The following NCALD variants were observed in gnomAD, a reference collection of about 807,000 sequenced individuals.
NCALD encodes the protein neurocalcin-delta.
A neutral mutation model predicts 18.6 loss-of-function variants in NCALD; 10 were observed. The observed-to-expected ratio is 0.54, with a 90% CI of 0.33 to 0.91. NCALD has a LOEUF of 0.91. Among genes scored for constraint, NCALD ranks in the 40% least tolerant of loss-of-function variants. The pLI, the probability that NCALD is intolerant of heterozygous loss-of-function variation, is 0.03. For missense variants in NCALD, 184 were observed against 247.6 expected (o/e 0.74, Z 1.72); for synonymous variants, 88 against 87.4 (o/e 1.01, Z -0.04).
chr8:101,747,853 G>A lies in NCALD; in HGVS notation c.-19-28205C>T, dbSNP rs377596928. 3.3e-4 allele frequency among the ~76,000 whole-genome samples: 50 copies of A among 152,038 alleles called. 1 individual carries two copies. The highest frequency in any genetic ancestry group is 1.1e-3 in the African/African-American group (46 of 41,482). ...CTGCCTCAGCCTCCTGAGTAGCTGG[G>A]ATTACAGGTGCCCGCCACAACACCT... On this transcript the variant is annotated intron_variant, in intron 1 of 3. Coordinates refer to ENST00000220931, the MANE Select transcript of NCALD (RefSeq NM_032041.3).
chr8:101,939,890 G>A (rs1044809804), intron 2 of NCALD, among the ~76,000 whole-genome samples: 3 of 152,294 alleles, frequency 2.0e-5, no homozygotes, highest in East Asian at 1.9e-4. Context: ...CTTAAGATCA[G>A]ACAGCTAGTA....
intron 1 of NCALD, among the ~76,000 whole-genome samples, chr8:102,070,884 C>T (rs576504638): frequency 2.0e-5 from 3 of 152,308 alleles, no homozygotes; most frequent in East Asian, 1.9e-4. Context: ...CTTAATACGA[C>T]TTCACTCACA....
chr8:101,963,664 TC>T (rs1819916930), intron 2 of NCALD, among the ~76,000 whole-genome samples: 1 of 152,120 alleles, frequency 6.6e-6, no homozygotes, highest in African/African-American at 2.4e-5. Flanking sequence ...CCAATAAATA[TC>T]CAATTTTTAT....
chr8:101,742,598 T>C (rs1278909314), intron 1 of NCALD, among the ~76,000 whole-genome samples: 1 of 152,198 alleles, frequency 6.6e-6, no homozygotes, highest in Non-Finnish European at 1.5e-5. Context: ...TCCATTTTTG[T>C]TTCGTAGCAA....
intron 3 of NCALD, chr8:101,690,413 G>C: frequency 1.0e-6 from 1 of 985,310 alleles, no homozygotes; most frequent in Non-Finnish European, 1.2e-6. Flanking sequence ...ATTTCCATCT[G>C]CTCCTCCAAG....
At chr8:102,119,466 TGAA>T (rs1825882457) in intron 1 of NCALD, among the ~76,000 whole-genome samples, 1 of 152,174 alleles carries the variant, frequency 6.6e-6, no homozygotes, top group Non-Finnish European at 1.5e-5. Context: ...CTGGGCAGGA[TGAA>T]GAAGTTCTGG....
intron 2 of NCALD, among the ~76,000 whole-genome samples, chr8:102,011,522 A>G (rs998439755): frequency 2.0e-5 from 3 of 152,220 alleles, no homozygotes; most frequent in Admixed American, 6.5e-5. Context: ...TGAAGGCTCA[A>G]TAAATCTTTG....
chr8:101,891,620 G>A (rs960613293), intron 3 of NCALD, among the ~76,000 whole-genome samples: 23 of 152,226 alleles, frequency 1.5e-4, no homozygotes, highest in Non-Finnish European at 3.4e-4. Context: ...TCTCACTAGG[G>A]AGTGCCAGAC....
intron 1 of NCALD, among the ~76,000 whole-genome samples, chr8:101,753,366 T>C (rs796977720): frequency 6.6e-5 from 10 of 152,244 alleles, no homozygotes; most frequent in African/African-American, 2.2e-4. Context: ...ATTTTTAAGG[T>C]AGAATTAGGA....
intron 2 of NCALD, among the ~76,000 whole-genome samples, chr8:102,010,510 G>A (rs1033824977): frequency 3.9e-5 from 6 of 152,164 alleles, no homozygotes; most frequent in Admixed American, 1.3e-4. Flanking sequence ...TCTTTCATGA[G>A]GATTACATTG....
chr8:101,759,206 T>C (rs181881825), intron 1 of NCALD, among the ~76,000 whole-genome samples: 9 of 152,324 alleles, frequency 5.9e-5, no homozygotes, highest in Non-Finnish European at 1.3e-4. Flanking sequence ...ATGTTGATAA[T>C]GAGAAAGTTT....
At chr8:102,009,877 C>T (rs149099909) in intron 2 of NCALD, among the ~76,000 whole-genome samples, 1 of 152,224 alleles carries the variant, frequency 6.6e-6, no homozygotes, top group Non-Finnish European at 1.5e-5. Context: ...AAAGCTCTTA[C>T]AGTAGGCACT....
chr8:101,796,971 C>T (rs959179474), intron 4 of NCALD, among the ~76,000 whole-genome samples: 2 of 152,236 alleles, frequency 1.3e-5, no homozygotes, highest in African/African-American at 2.4e-5. Flanking sequence ...AAGAATGCAA[C>T]CATTTGTCTC....
chr8:101,901,247 G>C (rs546235133), intron 3 of NCALD, among the ~76,000 whole-genome samples: 3 of 151,252 alleles, frequency 2.0e-5, no homozygotes, highest in African/African-American at 7.3e-5. Flanking sequence ...TATCTGACAG[G>C]AATTTCCTAT....
chr8:102,111,782 A>C (rs1418492079), intron 1 of NCALD, among the ~76,000 whole-genome samples: 1 of 152,184 alleles, frequency 6.6e-6, no homozygotes, highest in Non-Finnish European at 1.5e-5. Flanking sequence ...ATAAATGTTC[A>C]AAATCTCTTA....
intron 3 of NCALD, among the ~76,000 whole-genome samples, chr8:101,903,194 G>T (rs937549734): frequency 1.4e-5 from 2 of 140,610 alleles, no homozygotes; most frequent in East Asian, 2.1e-4. Flanking sequence ...TTTACTTTTA[G>T]GAATTTTTTT....
chr8:101,874,800 A>G (rs191045736), intron 4 of NCALD, among the ~76,000 whole-genome samples: 1 of 152,272 alleles, frequency 6.6e-6, no homozygotes, highest in East Asian at 1.9e-4. Context: ...AGCACTGGGA[A>G]TAGAGGTATG....
At chr8:101,920,788 C>T (rs113472045) in intron 2 of NCALD, among the ~76,000 whole-genome samples, 1,577 of 152,166 alleles carry the variant, frequency 0.01, 23 homozygotes, top group African/African-American at 0.035. Context: ...ATGTTCAGTA[C>T]CTGGGTGACA....
At chr8:101,988,154 C>CAAAAAAAAAAAAAGAAA (rs1310787523) in intron 2 of NCALD, among the ~76,000 whole-genome samples, 1 of 37,068 alleles carries the variant, frequency 2.7e-5, no homozygotes. Flanking sequence ...GACTCCGTCT[C>CAAAAAAAAAAAAAGAAA]AAAAAAAAAA....
Sources: gnomAD v4.1 joint callset for allele counts (sites outside exome capture counted in the v4.1 genomes callset) on GRCh38, gnomAD v4.1.1 for gene constraint, MANE v1.5 for transcripts, NCBI Gene and HGNC (gene_info 2026-07-23, HGNC 2026-07-21) for gene names.